The following GTF2A1 variants were observed in gnomAD, a reference collection of about 807,000 sequenced individuals.
The protein encoded by GTF2A1 is transcription initiation factor IIA subunit 1.
GTF2A1 carries 12 observed loss-of-function variants against 54.1 expected under a neutral mutation model. That is an observed-to-expected ratio of 0.22 (90% CI 0.14 to 0.36). The LOEUF is 0.36. GTF2A1 is among the 10% of genes least tolerant of loss of function. The pLI is 1.00. For missense variants in GTF2A1, 335 were observed against 442.2 expected (o/e 0.76, Z 2.17); for synonymous variants, 145 against 152.0 (o/e 0.95, Z 0.34).
intron 2 of GTF2A1, among the ~76,000 whole-genome samples, chr14:81,205,521 T>G (rs891266537): frequency 2.0e-5 from 3 of 152,226 alleles, no homozygotes; most frequent in African/African-American, 7.2e-5. Context: ...TGTAAAACAA[T>G]TATCAGTGTT....
At chr14:81,200,834 T>C (rs891582998) in intron 4 of GTF2A1, among the ~76,000 whole-genome samples, 23 of 147,434 alleles carry the variant, frequency 1.6e-4, no homozygotes, top group African/African-American at 5.5e-4. Context: ...AAAAACCATT[T>C]ATAAGGAAGT....
chr14:81,196,006 G>T, intron 6 of GTF2A1, 102 bp downstream of exon 6: 1 of 1,039,574 alleles, frequency 9.6e-7, no homozygotes, highest in Non-Finnish European at 1.5e-6. Context: ...CTGTAGCACT[G>T]AAAAAGAGTC....
At chr14:81,184,670 T>C (rs1892704981) in intron 8 of GTF2A1, among the ~76,000 whole-genome samples, 1 of 152,192 alleles carries the variant, frequency 6.6e-6, no homozygotes, top group African/African-American at 2.4e-5. Flanking sequence ...TAAAGGAAAC[T>C]TCATGCAAGG....
chr14:81,216,538 T>G (rs764939042), intron 1 of GTF2A1, 24 bp from the exon 2 acceptor site: 2 of 1,064,442 alleles, frequency 1.9e-6, no homozygotes, highest in Non-Finnish European at 2.9e-6. Context: ...ATAAAAGACT[T>G]GAAAAAGACA....
chr14:81,187,594 A>G (rs1892778246), intron 7 of GTF2A1, among the ~76,000 whole-genome samples: 1 of 152,220 alleles, frequency 6.6e-6, no homozygotes. Context: ...GATATTTCAT[A>G]TAAATGGAAT....
At chr14:81,193,218 G>A (rs796286043) in intron 6 of GTF2A1, among the ~76,000 whole-genome samples, 18 of 150,634 alleles carry the variant, frequency 1.2e-4, no homozygotes, top group African/African-American at 3.4e-4. Flanking sequence ...CCAGGCTGGA[G>A]TGCAATGGTG....
intron 2 of GTF2A1, among the ~76,000 whole-genome samples, chr14:81,211,153 G>A (rs1310525622): frequency 6.6e-6 from 1 of 152,182 alleles, no homozygotes; most frequent in African/African-American, 2.4e-5. Context: ...TCTAATGGCA[G>A]ACAGAATAGG....
rs535458284 is a variant in GTF2A1, at chr14:81,192,715, G to A, written c.737C>T (p.Ala246Val). Residue 246 changes from alanine (A) to valine (V), a missense_variant, in exon 7 of 9, where the codon GCC (alanine) becomes GTC (valine). Transcript: ENST00000553612. The part of the protein sequence containing the change: ...IPTTVAAPTP[A>V]QAQITATGQQ... ...GCCAGTTGCAGTTATCTGTGCTTGGGCTGGTGTAGGTGCTGCCACTGTCGT... is the reference window on the plus strand; with the variant it reads ...GCCAGTTGCAGTTATCTGTGCTTGGACTGGTGTAGGTGCTGCCACTGTCGT... 1 of 1,614,074 alleles carries A rather than the reference G, an allele frequency of 6.2e-7. No individual in the cohort carries two copies. Among genetic ancestry groups the A allele is most frequent in the South Asian group, 1.1e-5 (1 of 91,084 alleles).
chr14:81,208,206 G>C (rs189423752), intron 2 of GTF2A1, among the ~76,000 whole-genome samples: 98 of 152,266 alleles, frequency 6.4e-4, no homozygotes, highest in African/African-American at 2.2e-3. Flanking sequence ...GGGTCCCCAT[G>C]CTGTGTGCAG....
intron 4 of GTF2A1, 44 bp from the exon 5 acceptor site, chr14:81,197,528 A>C (rs749143437): frequency 2.0e-6 from 2 of 1,009,196 alleles, no homozygotes; most frequent in Non-Finnish European, 3.0e-6. Flanking sequence ...ATACATGTAT[A>C]ATACTGTTTC....
rs1407987468 is a variant in GTF2A1 at position 81,176,822 on chromosome 14, CA to C, written c.*3400del. On this transcript the variant is annotated 3_prime_UTR_variant, in exon 9 of 9. Coordinates refer to ENST00000553612, the MANE Select transcript of GTF2A1 (RefSeq NM_015859.4). ...TGGATCAACAAACTATTACATTGCA[CA>C]AAAGCTTAAAAAAAAGAAAGTTCAA... 1.3e-5 allele frequency: 2 copies of C among 151,568 alleles called. No individual in the cohort carries two copies. Among genetic ancestry groups the C allele is most frequent in the African/African-American group, 4.8e-5 (2 of 41,276 alleles). 9.4% of individuals were successfully genotyped at this position (151,568 alleles called of 1,614,324 possible).
At chr14:81,203,530 A>G (rs1006063396) in intron 3 of GTF2A1, among the ~76,000 whole-genome samples, 1 of 152,246 alleles carries the variant, frequency 6.6e-6, no homozygotes, top group African/African-American at 2.4e-5. Context: ...ATATAAAATA[A>G]TAAATCCCTT....
chr14:81,204,110 G>A lies in GTF2A1; in HGVS notation c.133-6C>T. On this transcript the variant is annotated splice_polypyrimidine_tract_variant and splice_region_variant and intron_variant, in intron 2 of 8. Transcript: ENST00000553612. ...ATTAGTTTGTTTTCCCATAACTAAG[G>A]CAAAGAACATTAAAGATTTCTAAGT... is the stretch of plus-strand genomic sequence containing the variant. The A allele has an allele frequency of 6.3e-7, 1 of 1,584,372 alleles. No individual in the cohort carries two copies. Among genetic ancestry groups the A allele is most frequent in the African/African-American group, 1.3e-5 (1 of 74,408 alleles).
At chr14:81,214,937 T>G (rs1053226481) in intron 2 of GTF2A1, among the ~76,000 whole-genome samples, 1 of 152,222 alleles carries the variant, frequency 6.6e-6, no homozygotes, top group Non-Finnish European at 1.5e-5. Context: ...AAATCTGCCT[T>G]CCTACAATTA....
Position 81,180,178 on chromosome 14 carries a change from T to A in GTF2A1, c.*45A>T. ...CAAGTTTCAAACTGTCCGCTTTACA[T>A]TTTTTTTAAGTTTCTTTTATTTATA... On this transcript the variant is annotated 3_prime_UTR_variant, in exon 9 of 9. Transcript: ENST00000553612. 2 of 815,174 alleles carry A rather than the reference T, an allele frequency of 2.5e-6. No homozygotes were observed. Among genetic ancestry groups the A allele is most frequent in the East Asian group, 2.6e-5 (1 of 38,818 alleles). 50.5% of individuals were successfully genotyped at this position (815,174 alleles called of 1,614,324 possible).
intron 2 of GTF2A1, among the ~76,000 whole-genome samples, chr14:81,206,262 T>C (rs962492240): frequency 2.0e-5 from 3 of 152,262 alleles, no homozygotes; most frequent in African/African-American, 7.2e-5. Flanking sequence ...AGTCAGAATC[T>C]ACCCCAACAG....
intron 1 of GTF2A1, among the ~76,000 whole-genome samples, chr14:81,218,601 G>T (rs1893538370): frequency 6.6e-6 from 1 of 152,084 alleles, no homozygotes; most frequent in Non-Finnish European, 1.5e-5. Flanking sequence ...ATTTAAGTTT[G>T]TCCTAATTTT....
In GTF2A1 at chr14:81,175,629, C is replaced by T. The variant is rs1892509975; in HGVS notation, c.*4594G>A. ...CTAATTATTATCTTCTAAAATAACA[C>T]AAAATATATTCAATACGCAATACAA... On this transcript the variant is annotated 3_prime_UTR_variant, in exon 9 of 9. Coordinates refer to ENST00000553612, the MANE Select transcript of GTF2A1 (RefSeq NM_015859.4). 1 of 152,078 alleles carries T rather than the reference C, an allele frequency of 6.6e-6. No homozygotes were observed. Among genetic ancestry groups the T allele is most frequent in the South Asian group, 2.1e-4 (1 of 4,830 alleles). 9.4% of individuals were successfully genotyped at this position (152,078 alleles called of 1,614,324 possible). A position where few individuals can be genotyped will look rare whatever the true frequency, so the allele number is the denominator to read the frequency against.
intron 8 of GTF2A1, among the ~76,000 whole-genome samples, chr14:81,183,154 T>C (rs1426490496): frequency 6.6e-6 from 1 of 152,208 alleles, no homozygotes. Flanking sequence ...GACTGTTCTG[T>C]TTTGATCATT....
Sources: allele counts gnomAD v4.1 joint callset (sites outside exome capture counted in the v4.1 genomes callset), GRCh38; gene constraint gnomAD v4.1.1; transcripts MANE v1.5; gene names NCBI Gene and HGNC (gene_info 2026-07-23, HGNC 2026-07-21).